Variants in ZNF423 observed in about 807,000 individuals in gnomAD.
ZNF423 encodes Ebf-associated zinc finger protein.
Under a neutral mutation model 95.8 loss-of-function variants are expected in ZNF423, and 12 were observed. The ratio of observed to expected loss-of-function variants is 0.13; its 90% CI spans 0.08 to 0.20. ZNF423 has a LOEUF of 0.20. Ranked by LOEUF, ZNF423 falls within the 10% of genes least tolerant of loss-of-function variation. The pLI, the probability that ZNF423 is intolerant of heterozygous loss-of-function variation, is 1.00. For synonymous variants in ZNF423, 749 were observed against 711.9 expected, an observed-to-expected ratio of 1.05 and a Z score of -0.83; for missense variants, 1,316 against 1,737.1, an observed-to-expected ratio of 0.76 and a Z score of 4.31.
At chr16:49,799,261 A>G (rs2034545201) in intron 1 of ZNF423, among the ~76,000 whole-genome samples, 2 of 152,176 alleles carry the variant, frequency 1.3e-5, no homozygotes, top group Admixed American at 1.3e-4. Context: ...CCAGGGAAAC[A>G]TGCAATCAAT....
intron 1 of ZNF423, among the ~76,000 whole-genome samples, chr16:49,808,090 C>T (rs2034693744): frequency 6.6e-6 from 1 of 151,166 alleles, no homozygotes; most frequent in Non-Finnish European, 1.5e-5. Flanking sequence ...GGGACAAAAT[C>T]TTGCTCTGTC....
intron 2 of ZNF423, among the ~76,000 whole-genome samples, chr16:49,788,241 T>C (rs1330360215): frequency 1.3e-5 from 2 of 152,228 alleles, no homozygotes; most frequent in Admixed American, 6.5e-5. Context: ...CCCTGGAGAC[T>C]CTGCAGGCAG....
chr16:49,568,605 T>TGCTCTCCTGCCC (rs1970266238), intron 5 of ZNF423, among the ~76,000 whole-genome samples: 1 of 152,278 alleles, frequency 6.6e-6, no homozygotes, highest in East Asian at 1.9e-4. Flanking sequence ...CCTTCCTGCC[T>TGCTCTCCTGCCC]CCGCCTGCTC....
chr16:49,830,438 G>T (rs1198508617), intron 1 of ZNF423, among the ~76,000 whole-genome samples: 1 of 152,058 alleles, frequency 6.6e-6, no homozygotes, highest in Non-Finnish European at 1.5e-5. Flanking sequence ...CTTCTTTCTT[G>T]CTGGCCTAAT....
At chr16:49,641,689 T>C (rs553202329) in intron 3 of ZNF423, among the ~76,000 whole-genome samples, 2 of 152,320 alleles carry the variant, frequency 1.3e-5, no homozygotes, top group African/African-American at 4.8e-5. Flanking sequence ...AACATTCCTC[T>C]TAACCACTCA....
chr16:49,593,837 G>T (rs555508098), intron 5 of ZNF423, among the ~76,000 whole-genome samples: 2 of 152,240 alleles, frequency 1.3e-5, no homozygotes, highest in South Asian at 4.2e-4. Context: ...AGGGGGCCGC[G>T]GAGGCAACAC....
At chr16:49,669,813 C>T (rs1289642808) in intron 3 of ZNF423, among the ~76,000 whole-genome samples, 2 of 152,124 alleles carry the variant, frequency 1.3e-5, no homozygotes, top group Admixed American at 1.3e-4. Context: ...AGCCAGATGG[C>T]CCTACACAAG....
In ZNF423 at chr16:49,638,489, G is replaced by A; in HGVS notation, c.687C>T (p.Pro229=). Residue 229 remains proline, a synonymous_variant, in exon 4 of 8, where the codon CCC becomes CCT. Coordinates refer to ENST00000563137, the MANE Select transcript of ZNF423 (RefSeq NM_001379286.1). The surrounding 1 kb of genome is among the most constrained non-coding windows in gnomAD (Gnocchi z 5.6). ...CGCGCTTGCACACAGTGCACTTGAA[G>A]GGCTTGCTGGAGCTGTGGGTCTTCA... ...IHLKTHSSSK[P]FKCTVCKRGF... 1 of 1,613,874 alleles carries A rather than the reference G, an allele frequency of 6.2e-7. No individual in the cohort carries two copies. The highest frequency in any genetic ancestry group is 8.5e-7 in the Non-Finnish European group (1 of 1,180,024).
chr16:49,634,777 A>G (rs538736712), intron 4 of ZNF423, among the ~76,000 whole-genome samples: 2 of 152,290 alleles, frequency 1.3e-5, no homozygotes, highest in South Asian at 4.1e-4. Context: ...AGGGCCACAC[A>G]GACTCCAGGC....
At chr16:49,774,360 G>A (rs1294870402) in intron 2 of ZNF423, among the ~76,000 whole-genome samples, 1 of 152,124 alleles carries the variant, frequency 6.6e-6, no homozygotes, top group African/African-American at 2.4e-5. Flanking sequence ...GGAGTAAGTG[G>A]CCACTGGCAG....
intron 3 of ZNF423, among the ~76,000 whole-genome samples, chr16:49,667,995 T>A (rs2030624148): frequency 6.6e-6 from 1 of 152,184 alleles, no homozygotes; most frequent in Non-Finnish European, 1.5e-5. Flanking sequence ...AGCTGCATGC[T>A]AATGCCCAGC....
At chr16:49,624,859 A>G (rs888969048) in intron 5 of ZNF423, among the ~76,000 whole-genome samples, 1 of 152,242 alleles carries the variant, frequency 6.6e-6, no homozygotes, top group African/African-American at 2.4e-5. Flanking sequence ...GAGGGCCTGA[A>G]GGAGCCCAAG....
chr16:49,686,538 G>A (rs1035675319), intron 3 of ZNF423, among the ~76,000 whole-genome samples: 4 of 151,992 alleles, frequency 2.6e-5, no homozygotes, highest in Admixed American at 6.5e-5. Context: ...CGCCCCACAC[G>A]GAGGATGCAG....
chr16:49,827,246 C>CTCA (rs1222401706), intron 1 of ZNF423, among the ~76,000 whole-genome samples: 1 of 152,118 alleles, frequency 6.6e-6, no homozygotes, highest in African/African-American at 2.4e-5. Flanking sequence ...ACAGAGCAGG[C>CTCA]CCCCGCCTCA....
intron 5 of ZNF423, among the ~76,000 whole-genome samples, chr16:49,527,247 C>T (rs1277387176): frequency 1.3e-5 from 2 of 152,198 alleles, no homozygotes; most frequent in African/African-American, 4.8e-5. Context: ...TTGTCATGCC[C>T]CTGGAGCCCT....
intron 2 of ZNF423, among the ~76,000 whole-genome samples, chr16:49,744,607 AC>A (rs978125192): frequency 6.7e-6 from 1 of 149,338 alleles, no homozygotes; most frequent in African/African-American, 2.4e-5. Context: ...CTGCACTCAG[AC>A]CCCCCAGCCA....
chr16:49,836,144 C>T (rs76009911), intron 1 of ZNF423, among the ~76,000 whole-genome samples: 2,682 of 152,324 alleles, frequency 0.018, 26 homozygotes, highest in Non-Finnish European at 0.026. Context: ...ATGCAGCAAA[C>T]ACCTCCAACT....
intron 2 of ZNF423, among the ~76,000 whole-genome samples, chr16:49,744,566 AC>A (rs751599478): frequency 1.3e-5 from 2 of 152,116 alleles, no homozygotes; most frequent in Non-Finnish European, 2.9e-5. Context: ...GTTGGGGTGT[AC>A]CCAGCTCGGG....
intron 3 of ZNF423, among the ~76,000 whole-genome samples, chr16:49,657,385 G>A (rs149134576): frequency 5.9e-5 from 9 of 152,362 alleles, no homozygotes; most frequent in African/African-American, 1.7e-4. Context: ...CAATTTTATG[G>A]AAGGGAACGC....
Sources: gnomAD v4.1 joint callset for allele counts (sites outside exome capture counted in the v4.1 genomes callset) on GRCh38, gnomAD v4.1.1 for gene constraint, Gnocchi (gnomAD v3.1) non-coding constraint, MANE v1.5 for transcripts, NCBI Gene and HGNC (gene_info 2026-07-23, HGNC 2026-07-21) for gene names.